The following KCNAB2 variants were observed in gnomAD, a reference collection of about 807,000 sequenced individuals.
KCNAB2 encodes voltage-gated potassium channel subunit beta-2.
A neutral mutation model predicts 63.6 loss-of-function variants in KCNAB2; 29 were observed. That is an observed-to-expected ratio of 0.46 (90% confidence interval 0.34 to 0.62). KCNAB2 has a LOEUF of 0.62. KCNAB2 is among the 20% of genes least tolerant of loss of function. KCNAB2 has a pLI of 0.01. For synonymous variants in KCNAB2, 222 were observed against 224.2 expected, an observed-to-expected ratio of 0.99 and a Z score of 0.09; for missense variants, 359 against 563.9, an observed-to-expected ratio of 0.64 and a Z score of 3.68.
intron 1 of KCNAB2, among the ~76,000 whole-genome samples, chr1:5,998,669 G>GGT (rs998571099): frequency 2.0e-5 from 3 of 152,052 alleles, no homozygotes; most frequent in African/African-American, 7.3e-5. Flanking sequence ...TGCTGCATCC[G>GGT]GTGGGCCAGC....
chr1:6,011,963 G>A (rs185833742), intron 1 of KCNAB2, among the ~76,000 whole-genome samples: 140 of 152,324 alleles, frequency 9.2e-4, no homozygotes, highest in Non-Finnish European at 1.7e-3. Flanking sequence ...GGCCTAGGAT[G>A]GTGGAGGTGG....
In KCNAB2 at chr1:6,098,659, G is replaced by A. The variant is rs1665843777; in HGVS notation, c.*85G>A. On this transcript the variant is annotated 3_prime_UTR_variant, in exon 16 of 16. Coordinates refer to ENST00000378083, the MANE Select transcript of KCNAB2 (RefSeq NM_001199862.2). ...TTAAGCTGTTTTGAAGCCAAGTGAA[G>A]AGTGTGGTTTGCATCCAAGAGAAAA... The A allele has an allele frequency of 1.3e-6, 2 of 1,522,060 alleles. No individual in the cohort carries two copies. The highest frequency in any genetic ancestry group is 1.8e-6 in the Non-Finnish European group (2 of 1,119,364). 94.3% of individuals were successfully genotyped at this position (1,522,060 alleles called of 1,614,324 possible). A position where few individuals can be genotyped will look rare whatever the true frequency, so the allele number is the denominator to read the frequency against.
At chr1:6,081,137 TC>T (rs1376947864) in intron 4 of KCNAB2, among the ~76,000 whole-genome samples, 2 of 152,202 alleles carry the variant, frequency 1.3e-5, no homozygotes, top group Non-Finnish European at 2.9e-5. Context: ...CACAATCGCG[TC>T]CTGACAGCAG....
At chr1:6,042,987 T>A (rs3789565), upstream of KCNAB2, among the ~76,000 whole-genome samples, 15,031 of 152,008 alleles carry the variant, frequency 0.099, 1,056 homozygotes, top group East Asian at 0.32. Flanking sequence ...AACTCTTAGA[T>A]CCTACTGAAA....
At position 6,049,514 on chromosome 1, in the gene KCNAB2, G is replaced by A. The variant is rs748736074; in HGVS notation, c.-26-1997G>A. On this transcript the variant is annotated intron_variant, in intron 1 of 15. Transcript: ENST00000378083. ...TGGGAAACGCAGCCCCCCCACCCCCGGGAGCCATGCCCATCAGACAGAGGT... is the reference window on the plus strand; with the variant it reads ...TGGGAAACGCAGCCCCCCCACCCCCAGGAGCCATGCCCATCAGACAGAGGT... Among the ~76,000 whole-genome samples, 9 of 152,326 alleles carry A rather than the reference G, an allele frequency of 5.9e-5. No individual in the cohort carries two copies. The South Asian group carries it at 8.3e-4, about 14-fold the overall frequency.
Position 6,087,416 on chromosome 1 carries a change from C to A in KCNAB2, c.426-51C>A, listed in dbSNP as rs371448757. 6.3e-7 allele frequency: 1 copy of A among 1,587,872 alleles called. No homozygotes were observed. Among genetic ancestry groups the A allele is most frequent in the South Asian group, 1.1e-5 (1 of 90,514 alleles). ...TGAGGACGTCGGGGATGAAGGAGGA[C>A]CCCCCAGGGGCCGGGCTTATCACAC... On this transcript the variant is annotated intron_variant, in intron 6 of 15. Coordinates refer to ENST00000378083, the MANE Select transcript of KCNAB2 (RefSeq NM_001199862.2). The surrounding 1 kb of genome is among the most constrained non-coding windows in gnomAD (Gnocchi z 6.4).
chr1:6,007,097 G>C (rs986211521), intron 1 of KCNAB2, among the ~76,000 whole-genome samples: 1 of 152,148 alleles, frequency 6.6e-6, no homozygotes, highest in Non-Finnish European at 1.5e-5. Context: ...CGGACAGTCC[G>C]ACCTCTCCGA....
intron 1 of KCNAB2, among the ~76,000 whole-genome samples, chr1:6,036,914 G>A (rs567866108): frequency 6.6e-6 from 1 of 152,148 alleles, no homozygotes; most frequent in Non-Finnish European, 1.5e-5. Context: ...AATAATTTAG[G>A]CTTTGCCAGC....
rs74049341 is a variant in KCNAB2 at position 5,996,985 on chromosome 1, A to G, written c.-53+4197A>G. On this transcript the variant is annotated intron_variant, in intron 1 of 16. Coordinates refer to the KCNAB2 transcript ENST00000341524. ...TGGGCTGTTTCCCTGCCAGAGACTT[A>G]GCTCTCTGAGTCTCTGGCTCTCTGG... is the stretch of plus-strand genomic sequence containing the variant. 6.6e-3 allele frequency among the ~76,000 whole-genome samples: 1,008 copies of G among 152,258 alleles called. 5 individuals are homozygous for G. Among genetic ancestry groups the G allele is most frequent in the Middle Eastern group, 0.02 (6 of 294 alleles).
rs1664840090 is a variant in KCNAB2 at position 6,087,929 on chromosome 1, C to T, written c.470+418C>T. Among the ~76,000 whole-genome samples the T allele has an allele frequency of 6.6e-6, 1 of 152,182 alleles. No homozygotes were observed. The highest frequency in any genetic ancestry group is 2.4e-5 in the African/African-American group (1 of 41,426). ...CAAACCCCCAAAGCACTCCAAATTCCCTGGGCCGCCTGTCACCCCTGCAGG... is the reference window on the plus strand; with the variant it reads ...CAAACCCCCAAAGCACTCCAAATTCTCTGGGCCGCCTGTCACCCCTGCAGG... On this transcript the variant is annotated intron_variant, in intron 7 of 15. Transcript: ENST00000378083. This position sits in a 1 kb window ranked among gnomAD's most constrained non-coding sequence, Gnocchi z 6.4.
At chr1:6,029,245 T>G (rs1282820726) in intron 1 of KCNAB2, among the ~76,000 whole-genome samples, 1 of 145,422 alleles carries the variant, frequency 6.9e-6, no homozygotes, top group African/African-American at 2.6e-5. Flanking sequence ...ATCGCGCCAT[T>G]GCACTCCAGC....
At chr1:6,012,841 G>A (rs1205542672) in intron 1 of KCNAB2, among the ~76,000 whole-genome samples, 1 of 152,044 alleles carries the variant, frequency 6.6e-6, no homozygotes, top group Non-Finnish European at 1.5e-5. Context: ...TGAGCTGTGT[G>A]TGTGTTTCTG....
chr1:6,098,487 C>T lies in KCNAB2; in HGVS notation c.1161C>T (p.Val387=), dbSNP rs762178276. 6.2e-7 allele frequency: 1 copy of T among 1,613,892 alleles called. No homozygotes were observed. The highest frequency in any genetic ancestry group is 8.5e-7 in the Non-Finnish European group (1 of 1,179,918). Residue 387 remains valine (V), a splice_region_variant and synonymous_variant, in exon 16 of 16, where the codon GTC becomes GTT. Coordinates refer to ENST00000378083, the MANE Select transcript of KCNAB2 (RefSeq NM_001199862.2). ...QLMENIGAIQ[V]LPKLSSSIIH... ...TTTGTTGTTGTTCTTGCACGCAGGT[C>T]CTTCCGAAACTGTCATCTTCCATTA...
chr1:6,030,823 T>C (rs921237817), upstream of KCNAB2, among the ~76,000 whole-genome samples: 3 of 151,772 alleles, frequency 2.0e-5, no homozygotes, highest in Non-Finnish European at 4.4e-5. Flanking sequence ...TATATGTGTG[T>C]ATGTGTAAGT....
At chr1:5,997,517 G>A (rs1657005424) in intron 1 of KCNAB2, among the ~76,000 whole-genome samples, 1 of 152,166 alleles carries the variant, frequency 6.6e-6, no homozygotes, top group Non-Finnish European at 1.5e-5. Context: ...GCAGCCCCTG[G>A]GCACCGAGTG....
chr1:6,080,984 C>T (rs1664159364), intron 4 of KCNAB2, among the ~76,000 whole-genome samples: 1 of 152,182 alleles, frequency 6.6e-6, no homozygotes, highest in Admixed American at 6.5e-5. Flanking sequence ...GGAAGCGTGA[C>T]ACTCAGAGGG....
At position 6,091,287 on chromosome 1, in the gene KCNAB2, C is replaced by A; in HGVS notation, c.626C>A (p.Ser209Ter). The change falls in exon 10 of 16, where the codon TCA (serine) becomes TAA (stop). Residue 209 changes from serine (S) to a stop codon, truncating the protein, a stop_gained. Transcript: ENST00000378083. LOFTEE classifies it high-confidence loss of function. ...MEGDPFSSSK[S>*]RTFIIEETVR... ...GGGGACCCATTTAGTTCCTCCAAGTCAAGGACATTCATCATAGAAGGTACA... is the reference window on the plus strand; with the variant it reads ...GGGGACCCATTTAGTTCCTCCAAGTAAAGGACATTCATCATAGAAGGTACA... 6.5e-7 allele frequency: 1 copy of A among 1,533,766 alleles called. No homozygotes were observed. Among genetic ancestry groups the A allele is most frequent in the Non-Finnish European group, 8.7e-7 (1 of 1,144,856 alleles).
Position 6,074,604 on chromosome 1 carries a change from A to G in KCNAB2, c.300+834A>G, listed in dbSNP as rs1020743798. Among the ~76,000 whole-genome samples the G allele has an allele frequency of 1.3e-5, 2 of 152,234 alleles. No individual in the cohort carries two copies. The highest frequency in any genetic ancestry group is 6.5e-5 in the Admixed American group (1 of 15,288). On this transcript the variant is annotated intron_variant, in intron 4 of 15. Coordinates refer to ENST00000378083, the MANE Select transcript of KCNAB2 (RefSeq NM_001199862.2). This position sits in a 1 kb window ranked among gnomAD's most constrained non-coding sequence, Gnocchi z 4.9. ...CTGCGATTGCTCAGTTTCCAAGGGA[A>G]AGCTTTGCTTCTATCAAAATTTAAA... is the stretch of plus-strand genomic sequence containing the variant.
chr1:6,018,597 A>G (rs975139801), intron 1 of KCNAB2: 15 of 152,330 alleles, frequency 9.8e-5, no homozygotes, highest in African/African-American at 3.6e-4. Flanking sequence ...ACAGGTATGC[A>G]CCACGACGCC....
Sources: allele counts gnomAD v4.1 joint callset (sites outside exome capture counted in the v4.1 genomes callset), GRCh38; gene constraint gnomAD v4.1.1; non-coding constraint Gnocchi (gnomAD v3.1); transcripts MANE v1.5; gene names NCBI Gene and HGNC (gene_info 2026-07-23, HGNC 2026-07-21).